Variants in WWOX observed in about 807,000 individuals in gnomAD.
The protein encoded by WWOX is WW domain-containing oxidoreductase.
Under a neutral mutation model 46.2 loss-of-function variants are expected in WWOX, and 69 were observed. The observed-to-expected ratio is 1.49, with a 90% CI of 1.23 to 1.82. The LOEUF (loss-of-function observed/expected upper bound fraction) is 1.82, where lower values mean the gene tolerates loss of function less well. Among genes scored for constraint, WWOX ranks in the 40% most tolerant of loss-of-function variants. The pLI is 0.00. For missense variants in WWOX, 919 were observed against 542.6 expected (o/e 1.69, Z -6.89); for synonymous variants, 359 against 202.6 (o/e 1.77, Z -6.56).
intron 8 of WWOX, among the ~76,000 whole-genome samples, chr16:78,994,590 A>G (rs2046950884): frequency 6.6e-6 from 1 of 152,228 alleles, no homozygotes; most frequent in Admixed American, 6.5e-5. Flanking sequence ...CTTTGTGCAC[A>G]GATAACCTTG....
At chr16:78,769,983 G>A (rs569027335) in intron 8 of WWOX, among the ~76,000 whole-genome samples, 2 of 152,294 alleles carry the variant, frequency 1.3e-5, no homozygotes, top group East Asian at 1.9e-4. Flanking sequence ...GGTTGAGGCT[G>A]CTGTGAGCTA....
At chr16:78,470,283 AG>A (rs1250130941) in intron 8 of WWOX, among the ~76,000 whole-genome samples, 1 of 152,212 alleles carries the variant, frequency 6.6e-6, no homozygotes, top group Non-Finnish European at 1.5e-5. Context: ...CCAGGAGGCT[AG>A]GAAACAGAGC....
rs1245978542 is a variant in WWOX at position 78,349,628 on chromosome 16, G to C, written c.517-37232G>C. Reference sequence around the variant, plus strand: ...CCTTTTCCCGTTTATCCATGGATTGGTATGAGCCCTAATGGTGCACCCTTC... The same window carrying C: ...CCTTTTCCCGTTTATCCATGGATTGCTATGAGCCCTAATGGTGCACCCTTC... On this transcript the variant is annotated intron_variant, in intron 5 of 8. Coordinates refer to ENST00000566780, the MANE Select transcript of WWOX (RefSeq NM_016373.4). 8.3e-5 allele frequency among the ~76,000 whole-genome samples: 10 copies of C among 120,220 alleles called. 4 individuals carry two copies. Among genetic ancestry groups the C allele is most frequent in the African/African-American group, 2.8e-4 (10 of 35,412 alleles). 78.9% of individuals were successfully genotyped at this position (120,220 alleles called of 152,430 possible). A position where few individuals can be genotyped will look rare whatever the true frequency, so the allele number is the denominator to read the frequency against.
chr16:78,753,660 G>A (rs1371041969), intron 8 of WWOX, among the ~76,000 whole-genome samples: 1 of 151,198 alleles, frequency 6.6e-6, no homozygotes, highest in African/African-American at 2.4e-5. Flanking sequence ...AAATTAGCTG[G>A]GCATTGTGGT....
intron 8 of WWOX, among the ~76,000 whole-genome samples, chr16:78,520,029 A>G (rs535819899): frequency 1.6e-4 from 24 of 152,318 alleles, no homozygotes; most frequent in Admixed American, 9.1e-4. Context: ...TACTGTGACC[A>G]TGCAGTCATT....
intron 8 of WWOX, among the ~76,000 whole-genome samples, chr16:78,718,741 A>AT (rs113209834): frequency 0.011 from 1,603 of 151,912 alleles, 34 homozygotes; most frequent in African/African-American, 0.037. Context: ...TTTCTGAAGG[A>AT]TGTTTTTTTA....
intron 8 of WWOX, among the ~76,000 whole-genome samples, chr16:78,442,471 C>A (rs890052065): frequency 1.3e-5 from 2 of 152,178 alleles, no homozygotes; most frequent in East Asian, 3.9e-4. Context: ...CCAGCCCCTC[C>A]TGGGAACTGC....
At chr16:78,774,577 C>T (rs1055549247) in intron 8 of WWOX, among the ~76,000 whole-genome samples, 1 of 151,950 alleles carries the variant, frequency 6.6e-6, no homozygotes, top group Non-Finnish European at 1.5e-5. Context: ...CCTCCCCCCC[C>T]ACACATATGC....
At chr16:78,848,249 G>A (rs531838737) in intron 8 of WWOX, among the ~76,000 whole-genome samples, 3 of 152,178 alleles carry the variant, frequency 2.0e-5, no homozygotes, top group Admixed American at 6.5e-5. Context: ...TTTGTACACC[G>A]TGGGCTCCCA....
intron 8 of WWOX, among the ~76,000 whole-genome samples, chr16:78,612,393 G>A (rs938263792): frequency 2.6e-5 from 4 of 152,206 alleles, no homozygotes; most frequent in South Asian, 2.1e-4. Context: ...GGCAGGCAGC[G>A]TGGCGTAGGC....
At chr16:78,131,081 G>A (rs921655160) in intron 4 of WWOX, among the ~76,000 whole-genome samples, 10 of 152,256 alleles carry the variant, frequency 6.6e-5, no homozygotes, top group African/African-American at 2.4e-4. Context: ...ACACAGAAGT[G>A]GTACAGTAAA....
At chr16:79,187,013 T>C (rs1283672167) in intron 8 of WWOX, among the ~76,000 whole-genome samples, 2 of 152,094 alleles carry the variant, frequency 1.3e-5, no homozygotes, top group African/African-American at 4.8e-5. Flanking sequence ...AAAATATAAA[T>C]TGTGCAGTAA....
At chr16:78,933,354 G>C (rs1057282358) in intron 8 of WWOX, among the ~76,000 whole-genome samples, 1 of 152,228 alleles carries the variant, frequency 6.6e-6, no homozygotes, top group African/African-American at 2.4e-5. Flanking sequence ...CAGGAGAACT[G>C]CTCGAACCCA....
At position 78,623,456 on chromosome 16, in the gene WWOX, G is replaced by C. The variant is rs552400066; in HGVS notation, c.1056+190704G>C. Among the ~76,000 whole-genome samples the C allele has an allele frequency of 1.4e-4, 21 of 152,300 alleles. 1 individual carries two copies. In the South Asian group the frequency reaches 3.9e-3, roughly 29 times the overall value. On this transcript the variant is annotated intron_variant, in intron 8 of 8. Coordinates refer to ENST00000566780, the MANE Select transcript of WWOX (RefSeq NM_016373.4). ...GCACTTTGGGAGACCAAGGCGGGCA[G>C]ATCACCTGAGGTCATGAGTTCGAGA... is the stretch of plus-strand genomic sequence containing the variant.
At chr16:78,966,630 A>G (rs1056515983) in intron 8 of WWOX, among the ~76,000 whole-genome samples, 3 of 152,332 alleles carry the variant, frequency 2.0e-5, no homozygotes, top group Middle Eastern at 3.4e-3. Context: ...TATAGTATGT[A>G]TTAATAATAT....
rs751591357 is a variant in WWOX, at chr16:78,278,772, T to A, written c.517-108088T>A. 5.1e-6 allele frequency: 5 copies of A among 975,990 alleles called. No individual in the cohort carries two copies. The African/African-American group carries it at 6.6e-5, about 13-fold the overall frequency. 60.5% of individuals were successfully genotyped at this position (975,990 alleles called of 1,614,324 possible). On this transcript the variant is annotated intron_variant, in intron 5 of 8. Transcript: ENST00000566780. Reference sequence around the variant, plus strand: ...CTATCTCGGTGATCTGACAGACATGTACGATTTGCAACAACATCTATTATA... The same window carrying A: ...CTATCTCGGTGATCTGACAGACATGAACGATTTGCAACAACATCTATTATA...
chr16:78,292,617 CT>C (rs77749292), intron 5 of WWOX, among the ~76,000 whole-genome samples: 10 of 150,054 alleles, frequency 6.7e-5, no homozygotes, highest in East Asian at 2.0e-4. Flanking sequence ...TGTTCTATAT[CT>C]TTTTTTTTTA....
intron 5 of WWOX, among the ~76,000 whole-genome samples, chr16:78,303,011 T>C (rs1383529270): frequency 6.6e-6 from 1 of 152,192 alleles, no homozygotes; most frequent in Non-Finnish European, 1.5e-5. Flanking sequence ...ACTCTCCATA[T>C]GGATTTTCAT....
Position 78,533,024 on chromosome 16 carries a change from G to A in WWOX, c.1056+100272G>A, listed in dbSNP as rs540229025. ...TCACAGGCTGATGGGAGCTGCCACC[G>A]TCAGTAGAGGTCCTGATGACCTGGG... On this transcript the variant is annotated intron_variant, in intron 8 of 8. Coordinates refer to ENST00000566780, the MANE Select transcript of WWOX (RefSeq NM_016373.4). 5.3e-5 allele frequency among the ~76,000 whole-genome samples: 8 copies of A among 152,312 alleles called. No homozygotes were observed. In the East Asian group the frequency reaches 7.7e-4, roughly 15 times the overall value.
Sources: allele counts gnomAD v4.1 joint callset (sites outside exome capture counted in the v4.1 genomes callset), GRCh38; gene constraint gnomAD v4.1.1; transcripts MANE v1.5; gene names NCBI Gene and HGNC (gene_info 2026-07-23, HGNC 2026-07-21).